Variants in CDH12 observed in about 807,000 individuals in gnomAD.
CDH12 encodes the protein cadherin-12.
Under a neutral mutation model 74.1 loss-of-function variants are expected in CDH12, and 41 were observed. That is an observed-to-expected ratio of 0.55 (90% CI 0.43 to 0.72). CDH12 has a LOEUF of 0.72. Among genes scored for constraint, CDH12 ranks in the 30% least tolerant of loss-of-function variants. The probability of loss-of-function intolerance (pLI) is 0.00; values close to 1 mark genes in which losing one functional copy is unlikely to be tolerated. For missense variants in CDH12, 945 were observed against 977.2 expected (o/e 0.97, Z 0.44); for synonymous variants, 399 against 355.0 (o/e 1.12, Z -1.39).
intron 1 of CDH12, among the ~76,000 whole-genome samples, chr5:22,672,533 T>C (rs1740959141): frequency 6.6e-6 from 1 of 152,118 alleles, no homozygotes; most frequent in Admixed American, 6.6e-5. Flanking sequence ...TTGTCTCCTG[T>C]GCTTGCTTCC....
intron 2 of CDH12, among the ~76,000 whole-genome samples, chr5:22,446,314 C>A (rs142950153): frequency 5.7e-4 from 86 of 152,180 alleles, no homozygotes; most frequent in East Asian, 3.9e-3. Context: ...AACTTCAAAC[C>A]CTTTCTAACT....
chr5:22,481,344 C>T (rs899095343), intron 2 of CDH12, among the ~76,000 whole-genome samples: 6 of 152,100 alleles, frequency 3.9e-5, no homozygotes, highest in African/African-American at 1.4e-4. Flanking sequence ...ATCTCACTTC[C>T]GGTTATCGAT....
At chr5:22,156,445 C>T (rs1748027997) in intron 4 of CDH12, among the ~76,000 whole-genome samples, 1 of 151,924 alleles carries the variant, frequency 6.6e-6, no homozygotes, top group South Asian at 2.1e-4. Context: ...TGAAAAAATG[C>T]TAAGATACAT....
At position 22,843,089 on chromosome 5, in the gene CDH12, A is replaced by G. The variant is rs538250195; in HGVS notation, c.-523+9969T>C. Among the ~76,000 whole-genome samples the G allele has an allele frequency of 1.8e-3, 279 of 152,236 alleles. 1 individual carries two copies. The highest frequency in any genetic ancestry group is 3.1e-3 in the Non-Finnish European group (211 of 67,968). On this transcript the variant is annotated intron_variant, in intron 1 of 14. Transcript: ENST00000382254. ...GAATAGAAGAGTAAATGCATTTACA[A>G]AAATTTGTTAAATAACCATTAATGA...
chr5:22,562,855 A>AGAGAT, intron 1 of CDH12, among the ~76,000 whole-genome samples: 1 of 149,020 alleles, frequency 6.7e-6, no homozygotes. Context: ...ATGATCTCTT[A>AGAGAT]TAGTCTATAT....
At chr5:22,823,652 G>C (rs1450914313) in intron 1 of CDH12, among the ~76,000 whole-genome samples, 1 of 152,128 alleles carries the variant, frequency 6.6e-6, no homozygotes. Context: ...ATCCCCAAGT[G>C]TTGAGAAAGG....
At chr5:22,362,011 C>T (rs1475085994) in intron 3 of CDH12, among the ~76,000 whole-genome samples, 4 of 152,006 alleles carry the variant, frequency 2.6e-5, no homozygotes, top group African/African-American at 4.8e-5. Flanking sequence ...ATTCAGGACA[C>T]AGGCATGGGC....
chr5:22,664,041 G>A (rs146207535), intron 1 of CDH12, among the ~76,000 whole-genome samples: 16 of 152,140 alleles, frequency 1.1e-4, no homozygotes, highest in South Asian at 4.2e-4. Flanking sequence ...GCAGATTACC[G>A]TGTATTAACA....
chr5:22,551,068 T>G (rs1174972030), intron 1 of CDH12, among the ~76,000 whole-genome samples: 2 of 152,196 alleles, frequency 1.3e-5, no homozygotes, highest in East Asian at 3.9e-4. Flanking sequence ...AATAGGATGA[T>G]TTCCTTGGAA....
At chr5:22,117,790 T>C (rs549134091) in intron 4 of CDH12, among the ~76,000 whole-genome samples, 1 of 146,996 alleles carries the variant, frequency 6.8e-6, no homozygotes, top group Non-Finnish European at 1.5e-5. Flanking sequence ...GTAATAATAC[T>C]GATGTTAGCT....
chr5:22,423,206 T>TAAAAAAAAAAAA (rs58915238), intron 2 of CDH12, among the ~76,000 whole-genome samples: 2 of 121,434 alleles, frequency 1.6e-5, no homozygotes, highest in Non-Finnish European at 1.7e-5. Context: ...GTAAACACAG[T>TAAAAAAAAAAAA]AAAAAAAAAA....
intron 1 of CDH12, among the ~76,000 whole-genome samples, chr5:22,606,248 T>A (rs993102327): frequency 1.1e-4 from 16 of 152,096 alleles, no homozygotes; most frequent in Non-Finnish European, 1.9e-4. Flanking sequence ...ATTCAGTTGA[T>A]CATGTGCTGT....
intron 5 of CDH12, among the ~76,000 whole-genome samples, chr5:22,019,618 G>A (rs1188562146): frequency 6.6e-6 from 1 of 152,148 alleles, no homozygotes; most frequent in Non-Finnish European, 1.5e-5. Context: ...GCCAGGAAAA[G>A]GGCCCTCGCC....
chr5:21,960,047 G>A lies in CDH12; in HGVS notation c.526+15044C>T, dbSNP rs370319214. On this transcript the variant is annotated intron_variant, in intron 6 of 14. Coordinates refer to ENST00000382254, the MANE Select transcript of CDH12 (RefSeq NM_004061.5). ...ACACAGGAACACCCAGATTCATAAAGTAAGTTCTTAGAGTACAAAGAGGCT... is the reference window on the plus strand; with the variant it reads ...ACACAGGAACACCCAGATTCATAAAATAAGTTCTTAGAGTACAAAGAGGCT... Among the ~76,000 whole-genome samples, 221 of 151,528 alleles carry A rather than the reference G, an allele frequency of 1.5e-3. 6 individuals carry two copies. The East Asian group carries it at 0.036, about 25-fold the overall frequency.
At chr5:22,030,881 TC>T (rs1738771232) in intron 5 of CDH12, among the ~76,000 whole-genome samples, 1 of 152,202 alleles carries the variant, frequency 6.6e-6, no homozygotes, top group Admixed American at 6.6e-5. Flanking sequence ...CACTGCTGCT[TC>T]ACCTTGCACT....
At chr5:21,956,236 G>A (rs1345646006) in intron 6 of CDH12, among the ~76,000 whole-genome samples, 1 of 151,702 alleles carries the variant, frequency 6.6e-6, no homozygotes, top group Middle Eastern at 3.2e-3. Flanking sequence ...CAGGTCAGTA[G>A]AATTTTTTTT....
intron 3 of CDH12, among the ~76,000 whole-genome samples, chr5:22,292,107 A>G (rs1199414651): frequency 6.6e-6 from 1 of 152,168 alleles, no homozygotes; most frequent in Non-Finnish European, 1.5e-5. Context: ...CTATGGGGAC[A>G]ATCTCTCAAT....
intron 5 of CDH12, among the ~76,000 whole-genome samples, chr5:21,995,615 T>C (rs1487055861): frequency 6.6e-6 from 1 of 151,510 alleles, no homozygotes; most frequent in Non-Finnish European, 1.5e-5. Flanking sequence ...TTCTCCCCAC[T>C]CCCCTTTCCC....
intron 1 of CDH12, among the ~76,000 whole-genome samples, chr5:22,562,334 A>AAAC (rs1167329913): frequency 7.5e-6 from 1 of 133,778 alleles, no homozygotes; most frequent in Non-Finnish European, 1.6e-5. Flanking sequence ...AAAACAAAAA[A>AAAC]CAAACAAACA....
Sources: allele counts gnomAD v4.1 joint callset (sites outside exome capture counted in the v4.1 genomes callset), GRCh38; gene constraint gnomAD v4.1.1; transcripts MANE v1.5; gene names NCBI Gene and HGNC (gene_info 2026-07-23, HGNC 2026-07-21).